MAGI1: variants seen among roughly 807,000 people sequenced by gnomAD.
The protein encoded by MAGI1 is membrane-associated guanylate kinase, WW and PDZ domain-containing protein 1.
Under a neutral mutation model 139.9 loss-of-function variants are expected in MAGI1, and 58 were observed. That is an observed-to-expected ratio of 0.41 (90% CI 0.34 to 0.52). The LOEUF (loss-of-function observed/expected upper bound fraction) is 0.52, where lower values mean the gene tolerates loss of function less well. MAGI1 is among the 20% of genes least tolerant of loss of function. The probability of loss-of-function intolerance (pLI) is 0.12; values close to 1 mark genes in which losing one functional copy is unlikely to be tolerated. For synonymous variants in MAGI1, 812 were observed against 737.9 expected, an observed-to-expected ratio of 1.10 and a Z score of -1.63; for missense variants, 1,874 against 1,901.6, an observed-to-expected ratio of 0.99 and a Z score of 0.27.
At chr3:65,839,554 T>C (rs766524579) in intron 1 of MAGI1, among the ~76,000 whole-genome samples, 1 of 152,066 alleles carries the variant, frequency 6.6e-6, no homozygotes, top group African/African-American at 2.4e-5. Context: ...CAACAAATAG[T>C]GGCAAAATAA....
In MAGI1 at chr3:65,484,264, G is replaced by A. The variant is rs963276592; in HGVS notation, c.551-5466C>T. On this transcript the variant is annotated intron_variant, in intron 3 of 22. Transcript: ENST00000402939. ...ATGACAAACATAAAGGCCCAAAGTG[G>A]CAGAAACGCCTGCCATGGAGTTACA... is the stretch of plus-strand genomic sequence containing the variant. Among the ~76,000 whole-genome samples the A allele has an allele frequency of 1.3e-4, 20 of 152,258 alleles. No individual in the cohort carries two copies. The South Asian group carries it at 3.9e-3, about 30-fold the overall frequency.
At chr3:65,410,777 T>C (rs1176715921) in intron 12 of MAGI1, among the ~76,000 whole-genome samples, 1 of 148,120 alleles carries the variant, frequency 6.8e-6, no homozygotes, top group Non-Finnish European at 1.5e-5. Flanking sequence ...CATTCAAGGC[T>C]ACACATGCTA....
At chr3:65,462,433 A>G (rs9985350) in intron 5 of MAGI1, among the ~76,000 whole-genome samples, 152,278 of 152,284 alleles carry the variant, frequency 1, 76,136 homozygotes, top group Non-Finnish European at 1. Flanking sequence ...GGTTGTAGAT[A>G]TGTGGTGTTA....
intron 2 of MAGI1, chr3:65,619,790 A>G (rs1427482043): frequency 4.3e-6 from 4 of 940,140 alleles, no homozygotes; most frequent in Non-Finnish European, 5.1e-6. Flanking sequence ...CCAGACTCCA[A>G]AACAGACCTC....
intron 1 of MAGI1, among the ~76,000 whole-genome samples, chr3:65,696,738 G>T (rs1365180935): frequency 1.3e-5 from 2 of 151,946 alleles, no homozygotes; most frequent in African/African-American, 4.8e-5. Context: ...TCACACCACA[G>T]CATACATATA....
intron 5 of MAGI1, among the ~76,000 whole-genome samples, chr3:65,462,205 CG>C (rs1949845410): frequency 6.6e-6 from 1 of 152,050 alleles, no homozygotes; most frequent in Admixed American, 6.6e-5. Flanking sequence ...TGCCTATGTC[CG>C]GAAAGGTATT....
intron 5 of MAGI1, among the ~76,000 whole-genome samples, chr3:65,456,593 GC>G (rs977863166): frequency 6.6e-6 from 1 of 151,848 alleles, no homozygotes; most frequent in Admixed American, 6.6e-5. Flanking sequence ...TCTTTGCCTA[GC>G]CCTGTATTTC....
At chr3:65,704,392 C>T (rs180889904) in intron 1 of MAGI1, among the ~76,000 whole-genome samples, 2 of 152,224 alleles carry the variant, frequency 1.3e-5, no homozygotes, top group East Asian at 3.9e-4. Context: ...GAGCATCTAC[C>T]CTTTCCAGTG....
At chr3:65,543,216 A>G (rs2079331169) in intron 2 of MAGI1, among the ~76,000 whole-genome samples, 1 of 152,236 alleles carries the variant, frequency 6.6e-6, no homozygotes, top group African/African-American at 2.4e-5. Flanking sequence ...ATCTCACGCC[A>G]GTTAGAATGG....
intron 1 of MAGI1, among the ~76,000 whole-genome samples, chr3:65,820,652 C>A (rs1266159273): frequency 2.0e-5 from 3 of 152,116 alleles, no homozygotes; most frequent in Admixed American, 2.0e-4. Flanking sequence ...TTCTTCAGGT[C>A]ACAAGAAAAA....
chr3:65,478,740 C>G lies in MAGI1; in HGVS notation c.609G>C (p.Thr203=), dbSNP rs771693536. 6.2e-7 allele frequency: 1 copy of G among 1,614,076 alleles called. No individual in the cohort carries two copies. The highest frequency in any genetic ancestry group is 1.3e-5 in the African/African-American group (1 of 75,022). The change falls in exon 4 of 23, where the codon ACG becomes ACC. Residue 203 remains threonine, a synonymous_variant. Transcript: ENST00000402939. ...ACTGAAGGCTGTGCAAGGCATCCGT[C>G]GTGATCACTTTCCCACTGACTGGCT... ...PSQPVSGKVI[T]TDALHSLQSG...
chr3:65,897,579 C>A (rs1439806975), intron 1 of MAGI1, among the ~76,000 whole-genome samples: 1 of 139,658 alleles, frequency 7.2e-6, no homozygotes, highest in Non-Finnish European at 1.7e-5. Flanking sequence ...AACAAACCTG[C>A]ATGTTGTGCA....
intron 18 of MAGI1, among the ~76,000 whole-genome samples, chr3:65,370,663 T>C (rs1311793620): frequency 6.6e-6 from 1 of 152,168 alleles, no homozygotes; most frequent in East Asian, 1.9e-4. Context: ...TTCTGAGACA[T>C]GGTCTCAGTC....
chr3:65,896,330 G>A (rs2060968768), intron 1 of MAGI1, among the ~76,000 whole-genome samples: 1 of 151,916 alleles, frequency 6.6e-6, no homozygotes, highest in South Asian at 2.1e-4. Flanking sequence ...CATGCCCATG[G>A]CTGACAGGAA....
chr3:65,630,360 A>T (rs899284424), intron 1 of MAGI1, among the ~76,000 whole-genome samples: 1 of 152,136 alleles, frequency 6.6e-6, no homozygotes, highest in Non-Finnish European at 1.5e-5. Context: ...TTGGGGAAAG[A>T]CTATTCCAGG....
At chr3:65,752,255 G>C (rs1347089346) in intron 1 of MAGI1, among the ~76,000 whole-genome samples, 1 of 152,144 alleles carries the variant, frequency 6.6e-6, no homozygotes, top group African/African-American at 2.4e-5. Flanking sequence ...ATACTTAGAA[G>C]TAGCTTTAAG....
At chr3:65,520,990 G>T (rs1345288551) in intron 2 of MAGI1, among the ~76,000 whole-genome samples, 1 of 152,120 alleles carries the variant, frequency 6.6e-6, no homozygotes, top group Non-Finnish European at 1.5e-5. Flanking sequence ...AAGAGATTCT[G>T]CAAATTCAAG....
At chr3:65,475,576 G>A (rs951772304) in intron 4 of MAGI1, among the ~76,000 whole-genome samples, 11 of 152,132 alleles carry the variant, frequency 7.2e-5, no homozygotes, top group African/African-American at 2.4e-4. Flanking sequence ...GTATATATCT[G>A]TGCTTTGGCC....
At chr3:65,705,101 G>C (rs2029948347) in intron 1 of MAGI1, among the ~76,000 whole-genome samples, 1 of 151,826 alleles carries the variant, frequency 6.6e-6, no homozygotes, top group Non-Finnish European at 1.5e-5. Context: ...GAGAATTTCA[G>C]AAGATTTTGC....
Sources: gnomAD v4.1 joint callset for allele counts (sites outside exome capture counted in the v4.1 genomes callset) on GRCh38, gnomAD v4.1.1 for gene constraint, MANE v1.5 for transcripts, NCBI Gene and HGNC (gene_info 2026-07-23, HGNC 2026-07-21) for gene names.